Variants in STK3 observed in about 807,000 individuals in gnomAD.
STK3 encodes serine/threonine kinase 3, also known as serine/threonine-protein kinase 3.
Under a neutral mutation model 58.0 loss-of-function variants are expected in STK3, and 41 were observed. The ratio of observed to expected loss-of-function variants is 0.71; its 90% CI spans 0.55 to 0.92. The LOEUF is 0.92. STK3 is among the 40% of genes least tolerant of loss of function. STK3 has a pLI of 0.00. For synonymous variants in STK3, 170 were observed against 191.0 expected, an observed-to-expected ratio of 0.89 and a Z score of 0.91; for missense variants, 479 against 602.7, an observed-to-expected ratio of 0.79 and a Z score of 2.15.
At chr8:98,940,484 T>A (rs1463426294) in intron 1 of STK3, among the ~76,000 whole-genome samples, 1 of 152,118 alleles carries the variant, frequency 6.6e-6, no homozygotes, top group Non-Finnish European at 1.5e-5. Flanking sequence ...TCCCTGTGAC[T>A]CAGTGCCTCG....
rs987984754 is a variant in STK3, at chr8:98,563,412, T to TAC, written c.949-15253_949-15252dup. On this transcript the variant is annotated intron_variant, in intron 8 of 10. Coordinates refer to ENST00000419617, the MANE Select transcript of STK3 (RefSeq NM_006281.4). ...ACAGATGTATACACATACATATATA[T>TAC]ACACACACACACGTGCCTACATATA... is the stretch of plus-strand genomic sequence containing the variant. Among the ~76,000 whole-genome samples, 70 of 151,994 alleles carry TAC rather than the reference T, an allele frequency of 4.6e-4. 1 individual carries two copies. The highest frequency in any genetic ancestry group is 2.9e-4 in the Non-Finnish European group (20 of 67,988).
rs755587989 is a variant in STK3, at chr8:98,579,692, C to T, written c.920G>A (p.Arg307Gln). Residue 307 changes from arginine (R) to glutamine (Q), a missense_variant, in exon 8 of 11, where the codon CGA (arginine) becomes CAA (glutamine). Around this residue, in one of 3 missense-constraint regions of STK3, gnomAD observed 309 missense variants for 355.7 expected, o/e 0.87. Coordinates refer to ENST00000419617, the MANE Select transcript of STK3 (RefSeq NM_006281.4). ...ATTTTCTTCTTCCTCTTCCAATTCT[C>T]GTTGCTGTTCCTCATGTCTTTTAGC... ...IKAKRHEEQQ[R>Q]ELEEEEENSD... The T allele has an allele frequency of 5.6e-6, 9 of 1,608,966 alleles. 1 individual carries two copies. Among genetic ancestry groups the T allele is most frequent in the Admixed American group, 3.4e-5 (2 of 59,074 alleles).
chr8:98,418,157 C>T (rs963394751), intron 3 of STK3, among the ~76,000 whole-genome samples: 4 of 152,120 alleles, frequency 2.6e-5, no homozygotes, highest in South Asian at 4.1e-4. Context: ...AGTGATTTTC[C>T]GACCCTGGCC....
intron 8 of STK3, among the ~76,000 whole-genome samples, chr8:98,562,109 T>C (rs1317848311): frequency 2.6e-5 from 4 of 152,182 alleles, no homozygotes; most frequent in Non-Finnish European, 4.4e-5. Flanking sequence ...TTTGGCAGTT[T>C]CTTACTAAGC....
intron 9 of STK3, among the ~76,000 whole-genome samples, chr8:98,546,065 G>T (rs1227034331): frequency 6.6e-6 from 1 of 152,050 alleles, no homozygotes; most frequent in Non-Finnish European, 1.5e-5. Context: ...AAAAAACACA[G>T]AAAGTTGGCT....
At chr8:98,621,802 A>G (rs543591634) in intron 6 of STK3, among the ~76,000 whole-genome samples, 1 of 152,240 alleles carries the variant, frequency 6.6e-6, no homozygotes, top group South Asian at 2.1e-4. Flanking sequence ...ATAAAGCAAC[A>G]TATCTATATA....
intron 4 of STK3, among the ~76,000 whole-genome samples, chr8:98,746,152 A>G (rs1829626780): frequency 6.6e-6 from 1 of 152,228 alleles, no homozygotes; most frequent in Non-Finnish European, 1.5e-5. Flanking sequence ...TCTAACCCCA[A>G]TTGAATTAAG....
intron 1 of STK3, 43 bp from the exon 2 acceptor site, chr8:98,774,862 G>A (rs1482707890): frequency 1.0e-5 from 14 of 1,395,292 alleles, no homozygotes; most frequent in Non-Finnish European, 1.2e-5. Flanking sequence ...TTTCTTTAAA[G>A]ACCTTTTACA....
At chr8:98,549,665 A>T (rs541719087) in intron 8 of STK3, among the ~76,000 whole-genome samples, 43 of 152,262 alleles carry the variant, frequency 2.8e-4, no homozygotes, top group African/African-American at 1.0e-3. Context: ...CAGTAATAAA[A>T]GTACAAATTA....
intron 1 of STK3, among the ~76,000 whole-genome samples, chr8:98,905,845 C>T (rs1459884732): frequency 6.6e-6 from 1 of 152,158 alleles, no homozygotes; most frequent in East Asian, 1.9e-4. Context: ...GAGAATCCAG[C>T]GCAGCCACAT....
chr8:98,504,719 C>T (rs980990924), intron 10 of STK3, among the ~76,000 whole-genome samples: 2 of 152,186 alleles, frequency 1.3e-5, no homozygotes, highest in African/African-American at 4.8e-5. Flanking sequence ...ATACTGGCCC[C>T]CACTGTCTAC....
At chr8:98,512,500 A>G (rs540876025) in intron 10 of STK3, among the ~76,000 whole-genome samples, 1 of 152,202 alleles carries the variant, frequency 6.6e-6, no homozygotes, top group Non-Finnish European at 1.5e-5. Flanking sequence ...CATAAACAAT[A>G]TGTGCCACAT....
chr8:98,789,490 A>C (rs1832674459), intron 1 of STK3, among the ~76,000 whole-genome samples: 1 of 152,044 alleles, frequency 6.6e-6, no homozygotes, highest in Non-Finnish European at 1.5e-5. Context: ...AAGATAAAAT[A>C]AAATTAATAG....
At chr8:98,424,346 G>A (rs1236573128) in intron 3 of STK3, among the ~76,000 whole-genome samples, 3 of 152,246 alleles carry the variant, frequency 2.0e-5, no homozygotes, top group African/African-American at 7.2e-5. Context: ...GGCAGGCTTA[G>A]ACACAGGGCC....
At chr8:98,516,607 G>C (rs1824950505) in intron 10 of STK3, among the ~76,000 whole-genome samples, 1 of 151,884 alleles carries the variant, frequency 6.6e-6, no homozygotes, top group Admixed American at 6.6e-5. Flanking sequence ...TATGCTAAGG[G>C]GAAAGTATTT....
intron 1 of STK3, among the ~76,000 whole-genome samples, chr8:98,799,574 T>A (rs961867272): frequency 3.3e-5 from 5 of 152,200 alleles, no homozygotes; most frequent in Admixed American, 2.6e-4. Context: ...TGTCTACCTA[T>A]ATCTGCCTCC....
chr8:98,878,354 G>A (rs1420602001), intron 3 of STK3, among the ~76,000 whole-genome samples: 1 of 152,146 alleles, frequency 6.6e-6, no homozygotes, highest in African/African-American at 2.4e-5. Flanking sequence ...GAATCAATAT[G>A]TCAGTATGTT....
intron 10 of STK3, among the ~76,000 whole-genome samples, chr8:98,465,155 C>G (rs560001898): frequency 1.3e-5 from 2 of 152,126 alleles, no homozygotes; most frequent in African/African-American, 2.4e-5. Flanking sequence ...GTCATTGAAG[C>G]CTAGCAATCA....
chr8:98,672,755 AAAGT>A (rs1822922044), intron 6 of STK3, among the ~76,000 whole-genome samples: 1 of 152,214 alleles, frequency 6.6e-6, no homozygotes, highest in African/African-American at 2.4e-5. Context: ...CTCAAAGAAA[AAAGT>A]GAAAAGTTAG....
Sources: allele counts gnomAD v4.1 joint callset (sites outside exome capture counted in the v4.1 genomes callset), GRCh38; gene constraint gnomAD v4.1.1; regional missense constraint gnomAD v4.1.1; transcripts MANE v1.5; gene names NCBI Gene and HGNC (gene_info 2026-07-23, HGNC 2026-07-21).